SRBD1: variants seen among roughly 807,000 people sequenced by gnomAD.
SRBD1 encodes the protein S1 RNA binding domain 1, also known as S1 RNA-binding domain-containing protein 1.
SRBD1 carries 88 observed loss-of-function variants against 115.3 expected under a neutral mutation model. That is an observed-to-expected ratio of 0.76 (90% CI 0.64 to 0.91). The LOEUF (loss-of-function observed/expected upper bound fraction) is 0.91, where lower values mean the gene tolerates loss of function less well. Ranked by LOEUF, SRBD1 falls within the 40% of genes least tolerant of loss-of-function variation. The pLI, the probability that SRBD1 is intolerant of heterozygous loss-of-function variation, is 0.00. For missense variants in SRBD1, 1,385 were observed against 1,177.4 expected (o/e 1.18, Z -2.58); for synonymous variants, 509 against 407.7 (o/e 1.25, Z -2.99).
intron 19 of SRBD1, among the ~76,000 whole-genome samples, chr2:45,412,538 G>A (rs1022437233): frequency 4.0e-5 from 6 of 151,872 alleles, no homozygotes; most frequent in Admixed American, 6.6e-5. Flanking sequence ...AAAAAATGTC[G>A]TTATGTAGCA....
chr2:45,585,629 T>C lies in SRBD1; in HGVS notation c.794A>G (p.Gln265Arg). ...NLDADSLREV[Q>R]QTLEELRAVA... ...TTACCGTAGCTCTTCTAGGGTTTGC[T>C]GAACTTCTCTCAAGGAATCAGCATC... Residue 265 changes from glutamine (Q) to arginine (R), a missense_variant, in exon 5 of 21, where the codon CAG becomes CGG. Transcript: ENST00000263736. 1 of 1,611,332 alleles carries C rather than the reference T, an allele frequency of 6.2e-7. No individual in the cohort carries two copies. Among genetic ancestry groups the C allele is most frequent in the Non-Finnish European group, 8.5e-7 (1 of 1,179,194 alleles).
chr2:45,514,284 T>C (rs1671056892), intron 14 of SRBD1, among the ~76,000 whole-genome samples: 1 of 152,122 alleles, frequency 6.6e-6, no homozygotes, highest in South Asian at 2.1e-4. Context: ...GAAATCACAT[T>C]CAACGAAGTG....
Position 45,579,869 on chromosome 2 carries a change from C to T in SRBD1, c.1072+6G>A. On this transcript the variant is annotated splice_donor_region_variant and intron_variant, in intron 7 of 20. Coordinates refer to ENST00000263736, the MANE Select transcript of SRBD1 (RefSeq NM_018079.5). ...CAAAGTTGATCTCTGTAAATAAAGC[C>T]AGTACCTTTAACGTCAGGCCTAATG... 6.4e-7 allele frequency: 1 copy of T among 1,552,048 alleles called. No homozygotes were observed.
chr2:45,514,413 C>CA (rs1043638485), intron 14 of SRBD1, among the ~76,000 whole-genome samples: 3 of 144,736 alleles, frequency 2.1e-5, no homozygotes, highest in East Asian at 4.7e-4. Flanking sequence ...GTATGAACCT[C>CA]AAAAAAAATA....
At chr2:45,575,640 T>C (rs905285113) in intron 7 of SRBD1, among the ~76,000 whole-genome samples, 3 of 152,244 alleles carry the variant, frequency 2.0e-5, no homozygotes, top group South Asian at 4.1e-4. Context: ...TGTGTTAGGA[T>C]AGCTATGTTA....
chr2:45,569,570 T>C (rs1672946852), intron 9 of SRBD1: 1 of 152,146 alleles, frequency 6.6e-6, no homozygotes, highest in Non-Finnish European at 1.5e-5. Context: ...TATTCTCTCT[T>C]TATAGCAGTA....
At chr2:45,448,735 T>C (rs1668903329) in intron 16 of SRBD1, among the ~76,000 whole-genome samples, 1 of 152,228 alleles carries the variant, frequency 6.6e-6, no homozygotes, top group Admixed American at 6.5e-5. Flanking sequence ...GAAGCTACCC[T>C]GAAAGAAATT....
intron 9 of SRBD1, among the ~76,000 whole-genome samples, chr2:45,572,589 C>A (rs1233101266): frequency 6.6e-6 from 1 of 151,964 alleles, no homozygotes; most frequent in African/African-American, 2.4e-5. Context: ...TGAAAGGGCA[C>A]TAGATAGTAA....
chr2:45,438,358 A>G (rs751736115), intron 16 of SRBD1, among the ~76,000 whole-genome samples: 13 of 152,216 alleles, frequency 8.5e-5, no homozygotes, highest in Admixed American at 3.9e-4. Flanking sequence ...CTAGACATAC[A>G]AAAATGCAGG....
chr2:45,423,294 T>C (rs1387475250), intron 16 of SRBD1, among the ~76,000 whole-genome samples: 1 of 152,204 alleles, frequency 6.6e-6, no homozygotes, highest in Admixed American at 6.5e-5. Flanking sequence ...GCTCAAGTGA[T>C]AAATGCATTT....
At chr2:45,506,269 T>C (rs1670794374) in intron 14 of SRBD1, among the ~76,000 whole-genome samples, 1 of 152,188 alleles carries the variant, frequency 6.6e-6, no homozygotes, top group African/African-American at 2.4e-5. Context: ...GTTTTTATTC[T>C]CTATTGGAAT....
intron 14 of SRBD1, among the ~76,000 whole-genome samples, chr2:45,511,968 A>T (rs1051098337): frequency 6.6e-6 from 1 of 152,198 alleles, no homozygotes; most frequent in Non-Finnish European, 1.5e-5. Context: ...TTCTAGTTGA[A>T]ATACCCACAC....
Position 45,590,399 on chromosome 2 carries a change from A to G in SRBD1, c.649-4625T>C, listed in dbSNP as rs763386040. ...GTAGGACTAACAAATTAGCCACAAG[A>G]GTAGAAATTATGGTTCAGGAGTTGA... On this transcript the variant is annotated intron_variant, in intron 4 of 20. Transcript: ENST00000263736. Among the ~76,000 whole-genome samples the G allele has an allele frequency of 6.8e-4, 104 of 152,232 alleles. 1 individual carries two copies. Among genetic ancestry groups the G allele is most frequent in the Non-Finnish European group, 1.5e-4 (10 of 68,032 alleles).
In SRBD1 at chr2:45,573,288, T is replaced by C. The variant is rs1673077531; in HGVS notation, c.1224A>G (p.Lys408=). 1 of 1,612,488 alleles carries C rather than the reference T, an allele frequency of 6.2e-7. No individual in the cohort carries two copies. The highest frequency in any genetic ancestry group is 1.3e-5 in the African/African-American group (1 of 74,850). Residue 408 remains lysine, a synonymous_variant, in exon 9 of 21, where the codon AAA becomes AAG. Transcript: ENST00000263736. ...TATCAACATCTTTCTCATTTACCTT[T>C]TTTGAGGATACTTTTGCCAGAGATG... ...IQSSLAKVSS[K]KVNEKDVDKF... is the part of the protein sequence containing the mutation.
chr2:45,540,758 A>G (rs1334870199), intron 14 of SRBD1, among the ~76,000 whole-genome samples: 1 of 152,206 alleles, frequency 6.6e-6, no homozygotes, highest in African/African-American at 2.4e-5. Context: ...CAAATAAGCA[A>G]ATGAAGATGC....
intron 15 of SRBD1, among the ~76,000 whole-genome samples, chr2:45,478,023 G>T (rs1669855873): frequency 6.7e-6 from 1 of 148,924 alleles, no homozygotes; most frequent in Admixed American, 6.7e-5. Flanking sequence ...TTATAAGATA[G>T]ATTTAGCTAG....
Position 45,393,093 on chromosome 2 carries a change from A to C in SRBD1, c.2550T>G (p.Val850=). 1 of 1,613,254 alleles carries C rather than the reference A, an allele frequency of 6.2e-7. No individual in the cohort carries two copies. Among genetic ancestry groups the C allele is most frequent in the Non-Finnish European group, 8.5e-7 (1 of 1,179,740 alleles). Residue 850 remains valine (V), a synonymous_variant, in exon 20 of 21, where the codon GTT becomes GTG. Transcript: ENST00000263736. ...TTTTTTGTTGCATTTCAGGCTTTCC[A>C]ACCTCATACAGTGTCCCTCCAATGG... is the stretch of plus-strand genomic sequence containing the variant. ...LSSIGGTLYE[V]GKPEMQQKIN...
intron 11 of SRBD1, among the ~76,000 whole-genome samples, chr2:45,551,682 G>A (rs568408443): frequency 1.1e-4 from 17 of 152,250 alleles, no homozygotes; most frequent in African/African-American, 3.6e-4. Context: ...ATATGTAAAG[G>A]CTCATGGCTC....
chr2:45,415,480 T>C (rs1667791322), intron 18 of SRBD1, among the ~76,000 whole-genome samples: 1 of 146,686 alleles, frequency 6.8e-6, no homozygotes, highest in African/African-American at 2.5e-5. Context: ...ATATATTTTA[T>C]ATATATGGAG....
Sources: allele counts gnomAD v4.1 joint callset (sites outside exome capture counted in the v4.1 genomes callset), GRCh38; gene constraint gnomAD v4.1.1; transcripts MANE v1.5; gene names NCBI Gene and HGNC (gene_info 2026-07-23, HGNC 2026-07-21).